Variants in ELSPBP1 observed in about 807,000 individuals in gnomAD.
ELSPBP1 encodes epididymal sperm binding protein 1.
A neutral mutation model predicts 33.3 loss-of-function variants in ELSPBP1; 38 were observed. The observed-to-expected ratio is 1.14, with a 90% CI of 0.88 to 1.50. The LOEUF is 1.50. Among genes scored for constraint, ELSPBP1 ranks in the 40% most tolerant of loss-of-function variants. The probability of loss-of-function intolerance (pLI) is 0.00; values close to 1 mark genes in which losing one functional copy is unlikely to be tolerated. For synonymous variants in ELSPBP1, 85 were observed against 94.1 expected, an observed-to-expected ratio of 0.90 and a Z score of 0.56; for missense variants, 267 against 263.5, an observed-to-expected ratio of 1.01 and a Z score of -0.09.
At chr19:48,022,501 T>C in intron 6 of ELSPBP1, 167 bp downstream of exon 6, 1 of 536,928 alleles carries the variant, frequency 1.9e-6, no homozygotes, top group Non-Finnish European at 3.0e-6. Flanking sequence ...TCTGATTAGC[T>C]GAGGTTCCCA....
chr19:48,013,096 G>A (rs1967094463), intron 2 of ELSPBP1, among the ~76,000 whole-genome samples: 1 of 152,106 alleles, frequency 6.6e-6, no homozygotes, highest in African/African-American at 2.4e-5. Context: ...AGGACTAAAA[G>A]GACCACTGGA....
intron 6 of ELSPBP1, 144 bp downstream of exon 6, chr19:48,022,478 C>G: frequency 1.5e-6 from 1 of 667,508 alleles, no homozygotes; most frequent in Non-Finnish European, 2.3e-6. Flanking sequence ...AGATCTGTTG[C>G]TTTTCCAGCA....
chr19:48,016,929 A>G (rs10413957), intron 4 of ELSPBP1, among the ~76,000 whole-genome samples: 25,234 of 152,080 alleles, frequency 0.17, 2,156 homozygotes, highest in South Asian at 0.23. Context: ...GCCTAACATC[A>G]TATTAAGTCT....
chr19:48,015,298 G>A (rs1275131718), intron 3 of ELSPBP1, among the ~76,000 whole-genome samples: 1 of 152,134 alleles, frequency 6.6e-6, no homozygotes, highest in East Asian at 1.9e-4. Context: ...AGAGGCAGAA[G>A]CAATGGAGGA....
chr19:48,007,942 C>T (rs34356692), intron 1 of ELSPBP1, among the ~76,000 whole-genome samples: 29,693 of 152,074 alleles, frequency 0.2, 3,362 homozygotes, highest in Non-Finnish European at 0.26. Flanking sequence ...AAGTGTTCAA[C>T]AAGTGTTTCA....
intron 4 of ELSPBP1, 121 bp downstream of exon 4, chr19:48,016,160 G>A (rs1967130715): frequency 2.5e-6 from 3 of 1,190,298 alleles, no homozygotes; most frequent in Non-Finnish European, 3.6e-6. Context: ...ACTTACAGGA[G>A]CCAAGTGTCT....
chr19:48,009,252 G>C (rs1967053896), intron 2 of ELSPBP1, among the ~76,000 whole-genome samples: 1 of 152,074 alleles, frequency 6.6e-6, no homozygotes, highest in South Asian at 2.1e-4. Context: ...TTTCCAGACT[G>C]TAAAAGAGAA....
At chr19:47,997,915 C>G (rs896984950) in intron 1 of ELSPBP1, among the ~76,000 whole-genome samples, 2 of 152,204 alleles carry the variant, frequency 1.3e-5, no homozygotes, top group African/African-American at 4.8e-5. Context: ...CTATTTACCC[C>G]TGGTTCCCAC....
intron 4 of ELSPBP1, among the ~76,000 whole-genome samples, chr19:48,019,160 TA>T (rs1327349111): frequency 6.6e-6 from 1 of 151,830 alleles, no homozygotes; most frequent in Non-Finnish European, 1.5e-5. Context: ...TCTAAAAAAA[TA>T]AAAAATAACG....
At chr19:47,998,893 G>A (rs1443366321) in intron 1 of ELSPBP1, among the ~76,000 whole-genome samples, 1 of 151,894 alleles carries the variant, frequency 6.6e-6, no homozygotes, top group Admixed American at 6.6e-5. Context: ...TAAACACACC[G>A]CGCATGCTCA....
chr19:48,007,230 A>G (rs927110535), intron 1 of ELSPBP1, among the ~76,000 whole-genome samples: 1 of 152,138 alleles, frequency 6.6e-6, no homozygotes, highest in Non-Finnish European at 1.5e-5. Flanking sequence ...GCAGATGAGG[A>G]AACAAAGGCT....
At chr19:48,006,316 G>A (rs1232915227) in intron 1 of ELSPBP1, among the ~76,000 whole-genome samples, 1 of 152,052 alleles carries the variant, frequency 6.6e-6, no homozygotes, top group African/African-American at 2.4e-5. Context: ...ACGAAACTGA[G>A]GCTTAGAAAA....
intron 6 of ELSPBP1, among the ~76,000 whole-genome samples, chr19:48,023,409 GAGGA>G (rs1967227642): frequency 9.7e-6 from 1 of 102,800 alleles, no homozygotes; most frequent in Non-Finnish European, 2.0e-5. Context: ...GGAAGTGAGG[GAGGA>G]GGGAGGGAGG....
intron 1 of ELSPBP1, among the ~76,000 whole-genome samples, chr19:47,999,383 A>ATTTCT (rs1426229150): frequency 3.3e-5 from 4 of 121,388 alleles, no homozygotes; most frequent in African/African-American, 1.3e-4. Flanking sequence ...TGAAAGCCTC[A>ATTTCT]TTTCTTTTTT....
At chr19:48,018,893 C>T (rs139433156) in intron 4 of ELSPBP1, among the ~76,000 whole-genome samples, 1,735 of 152,314 alleles carry the variant, frequency 0.011, 37 homozygotes, top group African/African-American at 0.04. Context: ...GTGGCTCATG[C>T]CTGTAATCCC....
chr19:48,023,508 GA>G (rs1967233197), intron 6 of ELSPBP1, among the ~76,000 whole-genome samples: 1 of 91,992 alleles, frequency 1.1e-5, no homozygotes, highest in Non-Finnish European at 2.6e-5. Flanking sequence ...AGGAAAAGAG[GA>G]AGGAAATAAG....
rs1226190862 is a variant in ELSPBP1 at position 47,995,147 on chromosome 19, AC to A, written c.-18+337del. On this transcript the variant is annotated intron_variant, in intron 1 of 6. Coordinates refer to ENST00000339841, the MANE Select transcript of ELSPBP1 (RefSeq NM_022142.5). Reference sequence around the variant, plus strand: ...ACACTTACAACATAGAACAATTTGAACTTTCCCATTTCAAGTGCTCAAGAAC... The same window carrying A: ...ACACTTACAACATAGAACAATTTGAATTTCCCATTTCAAGTGCTCAAGAAC... 7.2e-5 allele frequency among the ~76,000 whole-genome samples: 11 copies of A among 152,324 alleles called. 1 individual carries two copies. In the Middle Eastern group the frequency reaches 0.01, roughly 141 times the overall value.
chr19:48,014,215 G>C lies in ELSPBP1; in HGVS notation c.115G>C (p.Val39Leu), dbSNP rs1396421146. The C allele has an allele frequency of 1.9e-6, 3 of 1,613,896 alleles. No homozygotes were observed. The highest frequency in any genetic ancestry group is 2.5e-6 in the Non-Finnish European group (3 of 1,179,978). ...CVFPFTYKGSVYFTCTHIHSL... is the reference protein window; with the variant it reads ...CVFPFTYKGSLYFTCTHIHSL... ...CTTTCCTTTCACCTACAAGGGATCT[G>C]TTTACTTCACTTGCACCCATATTCA... is the stretch of plus-strand genomic sequence containing the variant. The change falls in exon 3 of 7, where the codon GTT (valine) becomes CTT (leucine). Residue 39 changes from valine (V) to leucine (L), a missense_variant. Coordinates refer to ENST00000339841, the MANE Select transcript of ELSPBP1 (RefSeq NM_022142.5).
rs201836907 is a variant in ELSPBP1 at position 48,019,779 on chromosome 19, T to C, written c.416T>C (p.Val139Ala). ...CIFPSIYRNNVVSDCMEDESN... is the reference protein window; with the variant it reads ...CIFPSIYRNNAVSDCMEDESN... Reference sequence around the variant, plus strand: ...TTCCCCTCCATCTACAGAAATAATGTGGTCTCTGATTGCATGGAGGATGAA... The same window carrying C: ...TTCCCCTCCATCTACAGAAATAATGCGGTCTCTGATTGCATGGAGGATGAA... Residue 139 changes from valine to alanine, a missense_variant, in exon 5 of 7, where the codon GTG (valine) becomes GCG (alanine). Coordinates refer to ENST00000339841, the MANE Select transcript of ELSPBP1 (RefSeq NM_022142.5). 570 of 1,614,024 alleles carry C rather than the reference T, an allele frequency of 3.5e-4. No homozygotes were observed. The highest frequency in any genetic ancestry group is 4.6e-4 in the Non-Finnish European group (540 of 1,179,966).
Sources: allele counts gnomAD v4.1 joint callset (sites outside exome capture counted in the v4.1 genomes callset), GRCh38; gene constraint gnomAD v4.1.1; transcripts MANE v1.5; gene names NCBI Gene and HGNC (gene_info 2026-07-23, HGNC 2026-07-21).